The following FBLN2 variants were observed in gnomAD, a reference collection of about 807,000 sequenced individuals.
FBLN2 encodes the protein fibulin-2.
Under a neutral mutation model 123.7 loss-of-function variants are expected in FBLN2, and 81 were observed. The observed-to-expected ratio is 0.65, with a 90% CI of 0.55 to 0.79. The LOEUF is 0.79. FBLN2 is among the 30% of genes least tolerant of loss of function. FBLN2 has a pLI of 0.00. For synonymous variants in FBLN2, 699 were observed against 701.4 expected (o/e 1.00, Z 0.05); for missense variants, 1,603 against 1,681.3 (o/e 0.95, Z 0.81).
intron 6 of FBLN2, 51 bp from the exon 7 acceptor site, chr3:13,618,853 C>G: frequency 7.1e-7 from 1 of 1,418,074 alleles, no homozygotes; most frequent in Non-Finnish European, 9.8e-7. Flanking sequence ...TGAGGCCTGG[C>G]TGAAGACCTG....
rs1181484519 is a variant in FBLN2 at position 13,617,574 on chromosome 3, TCCAC to T, written c.1730-498_1730-495del. Among the ~76,000 whole-genome samples, 4 of 116,288 alleles carry T rather than the reference TCCAC, an allele frequency of 3.4e-5. No individual in the cohort carries two copies. In the East Asian group the frequency reaches 7.9e-4, roughly 23 times the overall value. The allele number at this position is 116,288 out of a possible 152,430, so 76.3% of individuals were successfully genotyped here. On this transcript the variant is annotated intron_variant, in intron 5 of 17. Transcript: ENST00000404922. The stretch of plus-strand genomic sequence containing the variant: ...CATCCACCCATCCAGTTACAACCCA[TCCAC>T]CCATCCATCCATCCATCCATCCATC...
chr3:13,568,796 A>G (rs1228811872), intron 1 of FBLN2: 1 of 985,624 alleles, frequency 1.0e-6, no homozygotes, highest in Non-Finnish European at 1.2e-6. Context: ...TCAGTTCTCT[A>G]CAGATTTGCT....
In FBLN2 at chr3:13,637,880, G is replaced by A. The variant is rs1239010695; in HGVS notation, c.3657G>A (p.Leu1219=). The part of the protein sequence containing the change: ...LWRQGSVTTF[L]AKMHIFFTTF... ...GGCAGGGCTCCGTCACCACCTTCCTGGCCAAGATGCACATCTTCTTCACCA... is the reference window on the plus strand; with the variant it reads ...GGCAGGGCTCCGTCACCACCTTCCTAGCCAAGATGCACATCTTCTTCACCA... The change falls in exon 18 of 18, where the codon CTG becomes CTA. Residue 1219 remains leucine (L), a synonymous_variant. Transcript: ENST00000404922. 6.2e-7 allele frequency: 1 copy of A among 1,604,908 alleles called. No individual in the cohort carries two copies. Among genetic ancestry groups the A allele is most frequent in the Middle Eastern group, 1.7e-4 (1 of 6,012 alleles).
chr3:13,599,028 G>A (rs1000670660), intron 2 of FBLN2, among the ~76,000 whole-genome samples: 5 of 152,210 alleles, frequency 3.3e-5, no homozygotes, highest in African/African-American at 1.2e-4. Context: ...GGTGTATGTG[G>A]CTGGGAGCTG....
intron 2 of FBLN2, among the ~76,000 whole-genome samples, chr3:13,597,544 G>T (rs957237044): frequency 9.2e-5 from 14 of 152,228 alleles, no homozygotes; most frequent in Admixed American, 1.3e-4. Flanking sequence ...TTTCCCTGGT[G>T]CAGTGTTGGT....
Position 13,629,289 on chromosome 3 carries a change from A to T in FBLN2, c.2839A>T (p.Ile947Phe), listed in dbSNP as rs767696016. 14 of 1,607,052 alleles carry T rather than the reference A, an allele frequency of 8.7e-6. No homozygotes were observed. Among genetic ancestry groups the T allele is most frequent in the Non-Finnish European group, 1.2e-5 (14 of 1,177,666 alleles). The change falls in exon 13 of 18, where the codon ATC becomes TTC. Residue 947 changes from isoleucine to phenylalanine, a missense_variant. Transcript: ENST00000404922. ...FQRDAFGRGC[I>F]DVNECWASPG... ...GCGGGATGCCTTTGGCCGGGGCTGC[A>T]TCGGTAGGTAGGCTGGTGGCCAGGA...
At chr3:13,565,424 T>G (rs1000776587) in intron 1 of FBLN2, among the ~76,000 whole-genome samples, 6 of 152,188 alleles carry the variant, frequency 3.9e-5, no homozygotes, top group African/African-American at 1.4e-4. Context: ...CACCTAAATG[T>G]CCATTGTCAT....
At chr3:13,565,409 A>C (rs1703715966) in intron 1 of FBLN2, among the ~76,000 whole-genome samples, 1 of 152,202 alleles carries the variant, frequency 6.6e-6, no homozygotes, top group Non-Finnish European at 1.5e-5. Context: ...TGACGTCCTC[A>C]TTGTCACCTA....
At chr3:13,603,249 TAATTATAC>T (rs1705097323) in intron 2 of FBLN2, among the ~76,000 whole-genome samples, 1 of 149,668 alleles carries the variant, frequency 6.7e-6, no homozygotes, top group African/African-American at 2.5e-5. Flanking sequence ...TTTTTTTTTT[TAATTATAC>T]TTTAAGTTCT....
At chr3:13,562,764 G>C (rs4684958) in intron 1 of FBLN2, among the ~76,000 whole-genome samples, 128,728 of 152,178 alleles carry the variant, frequency 0.85, 54,606 homozygotes, top group East Asian at 1. Context: ...AACAGAAACT[G>C]TGTCCCCATT....
chr3:13,604,257 T>G (rs1476967934), intron 2 of FBLN2, among the ~76,000 whole-genome samples: 3 of 152,224 alleles, frequency 2.0e-5, no homozygotes, highest in African/African-American at 7.2e-5. Flanking sequence ...ATTTGTCAAT[T>G]TTGGCTTTTG....
At chr3:13,624,902 C>T (rs1171586285) in intron 9 of FBLN2, among the ~76,000 whole-genome samples, 2 of 152,282 alleles carry the variant, frequency 1.3e-5, no homozygotes, top group Non-Finnish European at 2.9e-5. Flanking sequence ...ACTGGCTTAG[C>T]GCTGGCCTTG....
chr3:13,550,154 G>A (rs541082733), intron 1 of FBLN2, among the ~76,000 whole-genome samples: 1 of 152,314 alleles, frequency 6.6e-6, no homozygotes, highest in East Asian at 1.9e-4. Flanking sequence ...AGCCCCCCTG[G>A]CACTCCATGG....
intron 16 of FBLN2, among the ~76,000 whole-genome samples, chr3:13,631,818 A>G (rs1484010534): frequency 2.6e-5 from 4 of 152,162 alleles, no homozygotes; most frequent in Non-Finnish European, 5.9e-5. Context: ...GAGTCTCTGC[A>G]GTGTTATGCA....
At chr3:13,595,119 A>G (rs1407725600) in intron 2 of FBLN2, among the ~76,000 whole-genome samples, 1 of 152,172 alleles carries the variant, frequency 6.6e-6, no homozygotes, top group Non-Finnish European at 1.5e-5. Flanking sequence ...CAGAGGGAAG[A>G]TACCGTGGGT....
At chr3:13,631,606 GTTA>G in intron 16 of FBLN2, 149 bp downstream of exon 16, 1 of 947,892 alleles carries the variant, frequency 1.1e-6, no homozygotes, top group East Asian at 2.7e-5. Flanking sequence ...CAGTGGCCAT[GTTA>G]ACTGAGGTTG....
chr3:13,557,289 A>G (rs1297754931), intron 1 of FBLN2, among the ~76,000 whole-genome samples: 1 of 152,248 alleles, frequency 6.6e-6, no homozygotes, highest in African/African-American at 2.4e-5. Context: ...GCAGGGACAC[A>G]TAACCCCAGC....
intron 2 of FBLN2, among the ~76,000 whole-genome samples, chr3:13,602,950 G>T (rs181302301): frequency 1.9e-4 from 27 of 144,350 alleles, no homozygotes; most frequent in African/African-American, 6.7e-4. Flanking sequence ...TTGCTCTGTC[G>T]CCCAGGCTGG....
chr3:13,638,388 A>G lies in FBLN2; in HGVS notation c.*469A>G, dbSNP rs1706556070. 5.8e-6 allele frequency: 2 copies of G among 347,510 alleles called. No individual in the cohort carries two copies. The highest frequency in any genetic ancestry group is 5.0e-5 in the Admixed American group (1 of 19,932). The allele number at this position is 347,510 out of a possible 1,614,324, so 21.5% of individuals were successfully genotyped here. ...AGTTCAACTAGTATGAAAGGGTTATAAAGTAACAGAGGAAAACGCCTCTTG... is the reference window on the plus strand; with the variant it reads ...AGTTCAACTAGTATGAAAGGGTTATGAAGTAACAGAGGAAAACGCCTCTTG... On this transcript the variant is annotated 3_prime_UTR_variant, in exon 18 of 18. Coordinates refer to ENST00000404922, the MANE Select transcript of FBLN2 (RefSeq NM_001004019.2).
Sources: allele counts gnomAD v4.1 joint callset (sites outside exome capture counted in the v4.1 genomes callset), GRCh38; gene constraint gnomAD v4.1.1; transcripts MANE v1.5; gene names NCBI Gene and HGNC (gene_info 2026-07-23, HGNC 2026-07-21).